The following METTL15 variants were observed in gnomAD, a reference collection of about 807,000 sequenced individuals.
The protein encoded by METTL15 is 12S rRNA N(4)-cytidine methyltransferase METTL15.
METTL15 carries 34 observed loss-of-function variants against 38.3 expected under a neutral mutation model. The observed-to-expected ratio is 0.89, with a 90% CI of 0.68 to 1.18. METTL15 has a LOEUF of 1.18. METTL15 is among the 50% of genes most tolerant of loss of function. The probability of loss-of-function intolerance (pLI) is 0.00; values close to 1 mark genes in which losing one functional copy is unlikely to be tolerated. For synonymous variants in METTL15, 162 were observed against 170.9 expected (o/e 0.95, Z 0.41); for missense variants, 438 against 498.4 (o/e 0.88, Z 1.15).
At chr11:28,437,818 A>G (rs1850996176) in intron 6 of METTL15, among the ~76,000 whole-genome samples, 1 of 152,244 alleles carries the variant, frequency 6.6e-6, no homozygotes, top group Non-Finnish European at 1.5e-5. Flanking sequence ...AACATTCTTC[A>G]CAGTGCCCAG....
chr11:28,244,493 C>G (rs1429224748), intron 4 of METTL15, among the ~76,000 whole-genome samples: 3 of 152,044 alleles, frequency 2.0e-5, no homozygotes, highest in Non-Finnish European at 2.9e-5. Flanking sequence ...TTTGTTGCCC[C>G]CAGTCTCTCA....
chr11:28,365,104 A>G (rs1850173290), intron 5 of METTL15, among the ~76,000 whole-genome samples: 1 of 152,052 alleles, frequency 6.6e-6, no homozygotes, highest in Non-Finnish European at 1.5e-5. Flanking sequence ...ATTTTTATAT[A>G]TCTATTTTCA....
intron 4 of METTL15, among the ~76,000 whole-genome samples, chr11:28,222,815 A>G (rs1853302054): frequency 6.6e-6 from 1 of 152,214 alleles, no homozygotes; most frequent in Admixed American, 6.5e-5. Flanking sequence ...AATTTGAAAA[A>G]TAAATGTTAG....
intron 4 of METTL15, among the ~76,000 whole-genome samples, chr11:28,241,889 C>T (rs541098061): frequency 6.6e-6 from 1 of 152,256 alleles, no homozygotes; most frequent in East Asian, 1.9e-4. Flanking sequence ...ACAGATCATG[C>T]AAGAGCTTTT....
At chr11:28,405,694 T>C (rs1428568883) in intron 5 of METTL15, among the ~76,000 whole-genome samples, 1 of 152,174 alleles carries the variant, frequency 6.6e-6, no homozygotes, top group East Asian at 1.9e-4. Flanking sequence ...AATGTTAACA[T>C]CTATGAAAAT....
Position 28,281,818 on chromosome 11 carries a change from C to T in METTL15, c.408-8388C>T, listed in dbSNP as rs539685438. 3.9e-5 allele frequency among the ~76,000 whole-genome samples: 6 copies of T among 152,244 alleles called. No individual in the cohort carries two copies. The South Asian group carries it at 1.0e-3, about 26-fold the overall frequency. On this transcript the variant is annotated intron_variant, in intron 4 of 6. Transcript: ENST00000407364. ...ACTCCTGAGATGAATATGTCTGCAA[C>T]TCAGTGATCATGGGACTGCCTATTA...
In METTL15 at chr11:28,327,340, A is replaced by T. The variant is rs1380298100; in HGVS notation, c.779-3056A>T. 4.6e-5 allele frequency among the ~76,000 whole-genome samples: 7 copies of T among 152,242 alleles called. No homozygotes were observed. In the East Asian group the frequency reaches 1.3e-3, roughly 29 times the overall value. ...TCCCCTATTATCTTTAAGACCATCT[A>T]TTCCCAAATATAGCTGAAAGCTCTT... On this transcript the variant is annotated intron_variant, in intron 6 of 6. Transcript: ENST00000407364.
At chr11:28,155,843 G>A (rs963273831) in intron 3 of METTL15, among the ~76,000 whole-genome samples, 1 of 152,120 alleles carries the variant, frequency 6.6e-6, no homozygotes, top group African/African-American at 2.4e-5. Flanking sequence ...ATAAATGGTA[G>A]CTAGTATTAC....
At position 28,136,320 on chromosome 11, in the gene METTL15, C is replaced by T. The variant is rs957016393; in HGVS notation, c.270+22716C>T. ...ACTGTTCTCATAGTAGTAAGTCTCA[C>T]GAGATCTGATGGTTTTATAAATGGG... On this transcript the variant is annotated intron_variant, in intron 3 of 6. Transcript: ENST00000407364. 8.5e-5 allele frequency among the ~76,000 whole-genome samples: 13 copies of T among 152,180 alleles called. No homozygotes were observed. The East Asian group carries it at 1.7e-3, about 20-fold the overall frequency.
downstream of METTL15, among the ~76,000 whole-genome samples, chr11:28,530,964 A>G (rs947747023): frequency 6.6e-6 from 1 of 152,010 alleles, no homozygotes; most frequent in African/African-American, 2.4e-5. Flanking sequence ...GGTTTAAGCA[A>G]CTTATAGAAC....
At chr11:28,161,372 G>T (rs1330968698) in intron 3 of METTL15, among the ~76,000 whole-genome samples, 1 of 151,822 alleles carries the variant, frequency 6.6e-6, no homozygotes, top group African/African-American at 2.4e-5. Context: ...CACCTGCCTT[G>T]GCCTGCTTGC....
chr11:28,123,553 C>G (rs972578094), intron 3 of METTL15, among the ~76,000 whole-genome samples: 1 of 138,636 alleles, frequency 7.2e-6, no homozygotes, highest in African/African-American at 3.0e-5. Context: ...TAGTTGTCCC[C>G]TTTGGGTGAA....
chr11:28,430,166 G>A (rs1377562964), intron 6 of METTL15, among the ~76,000 whole-genome samples: 3 of 151,126 alleles, frequency 2.0e-5, no homozygotes, highest in Non-Finnish European at 4.4e-5. Context: ...CCCGGCAGCT[G>A]CCCCGTCTGG....
intron 3 of METTL15, among the ~76,000 whole-genome samples, chr11:28,186,080 C>G (rs1002809983): frequency 1.3e-5 from 2 of 150,788 alleles, no homozygotes; most frequent in African/African-American, 4.8e-5. Flanking sequence ...TTCTAATGAA[C>G]AAATGAAAGG....
chr11:28,384,655 C>T (rs1171212821), intron 5 of METTL15, among the ~76,000 whole-genome samples: 1 of 152,068 alleles, frequency 6.6e-6, no homozygotes, highest in South Asian at 2.1e-4. Context: ...TTGGTATATA[C>T]TCAGTAATGG....
intron 3 of METTL15, among the ~76,000 whole-genome samples, chr11:28,133,918 C>G (rs1849424514): frequency 6.6e-6 from 1 of 152,094 alleles, no homozygotes; most frequent in African/African-American, 2.4e-5. Context: ...ATGCAGGATA[C>G]AGAAGTAATA....
intron 5 of METTL15, among the ~76,000 whole-genome samples, chr11:28,402,545 A>C (rs1234297058): frequency 6.6e-6 from 1 of 151,962 alleles, no homozygotes; most frequent in East Asian, 1.9e-4. Flanking sequence ...GACGTTCATC[A>C]CTTGGAATTT....
rs150176793 is a variant in METTL15 at position 28,339,000 on chromosome 11, A to G, written c.*190-13090A>G. Among the ~76,000 whole-genome samples the G allele has an allele frequency of 2.1e-4, 32 of 152,246 alleles. 1 individual carries two copies. In the East Asian group the frequency reaches 5.6e-3, roughly 27 times the overall value. ...GAGTTTCAGAAAAGGCAGCTGAGAA[A>G]CTAAGAGGAACTTTTGATAGTCTTT... On this transcript the variant is annotated intron_variant and NMD_transcript_variant, in intron 3 of 7. Transcript: ENST00000532947.
chr11:28,515,526 C>T (rs1851712442), intron 6 of METTL15, among the ~76,000 whole-genome samples: 1 of 152,166 alleles, frequency 6.6e-6, no homozygotes, highest in East Asian at 1.9e-4. Context: ...AGCCTATGGG[C>T]TACATATGGC....
Sources: allele counts gnomAD v4.1 joint callset (sites outside exome capture counted in the v4.1 genomes callset), GRCh38; gene constraint gnomAD v4.1.1; transcripts MANE v1.5; gene names NCBI Gene and HGNC (gene_info 2026-07-23, HGNC 2026-07-21).